Variants in ODAD2 observed in about 807,000 individuals in gnomAD.
ODAD2 encodes outer dynein arm-docking complex subunit 2.
Under a neutral mutation model 106.8 loss-of-function variants are expected in ODAD2, and 89 were observed. That is an observed-to-expected ratio of 0.83 (90% CI 0.70 to 0.99). ODAD2 has a LOEUF of 0.99. Ranked by LOEUF, ODAD2 falls within the 50% of genes least tolerant of loss-of-function variation. The pLI, the probability that ODAD2 is intolerant of heterozygous loss-of-function variation, is 0.00. For synonymous variants in ODAD2, 404 were observed against 436.2 expected, an observed-to-expected ratio of 0.93 and a Z score of 0.92; for missense variants, 1,168 against 1,238.5, an observed-to-expected ratio of 0.94 and a Z score of 0.85.
chr10:27,937,187 C>G (rs1433945567), intron 14 of ODAD2, among the ~76,000 whole-genome samples: 1 of 152,080 alleles, frequency 6.6e-6, no homozygotes, highest in African/African-American at 2.4e-5. Context: ...ACTCCACTAG[C>G]AAGGAATGGA....
chr10:27,988,457 C>T (rs1588668782), intron 2 of ODAD2, among the ~76,000 whole-genome samples: 1 of 151,704 alleles, frequency 6.6e-6, no homozygotes, highest in East Asian at 1.9e-4. Context: ...CCCACCTCAG[C>T]CCCCAAGTAG....
intron 17 of ODAD2, among the ~76,000 whole-genome samples, chr10:27,870,651 A>G (rs1840800905): frequency 6.6e-6 from 1 of 152,120 alleles, no homozygotes. Context: ...GATGGTTTCC[A>G]GCTTAATCCA....
intron 7 of ODAD2, among the ~76,000 whole-genome samples, chr10:27,979,893 C>A (rs1271447043): frequency 1.3e-5 from 2 of 152,148 alleles, no homozygotes; most frequent in East Asian, 3.9e-4. Flanking sequence ...TCAAGGAATA[C>A]CGAATAGCCA....
chr10:27,922,479 T>C (rs986170160), intron 16 of ODAD2, among the ~76,000 whole-genome samples: 2 of 151,656 alleles, frequency 1.3e-5, no homozygotes, highest in African/African-American at 4.9e-5. Context: ...ATGTTATATA[T>C]AACAAAACAG....
chr10:27,865,722 T>C (rs1353744603), intron 17 of ODAD2, among the ~76,000 whole-genome samples: 1 of 152,214 alleles, frequency 6.6e-6, no homozygotes, highest in East Asian at 1.9e-4. Context: ...AATTTGATTG[T>C]TTGCAAACTC....
At chr10:27,891,379 T>G (rs996194918) in intron 17 of ODAD2, among the ~76,000 whole-genome samples, 5 of 126,194 alleles carry the variant, frequency 4.0e-5, no homozygotes, top group South Asian at 2.7e-4. Context: ...GAGTTTTTTG[T>G]TTTTTTTTTT....
Position 27,971,243 on chromosome 10 carries a change from G to A in ODAD2, c.1007C>T (p.Ala336Val), listed in dbSNP as rs778469971. 6.2e-7 allele frequency: 1 copy of A among 1,613,872 alleles called. No individual in the cohort carries two copies. Among genetic ancestry groups the A allele is most frequent in the Non-Finnish European group, 8.5e-7 (1 of 1,179,868 alleles). Reference sequence around the variant, plus strand: ...AGAAATGTCTTTGCGGAGGGCAGCTGCTTCTTCCTTCTTGGGGGCTTTGCC... The same window carrying A: ...AGAAATGTCTTTGCGGAGGGCAGCTACTTCTTCCTTCTTGGGGGCTTTGCC... Reference protein sequence around the residue: ...QLGKAPKKEEAAALRKDISGS... With the variant: ...QLGKAPKKEEVAALRKDISGS... The change falls in exon 8 of 20, where the codon GCA becomes GTA. Residue 336 changes from alanine (A) to valine (V), a missense_variant. This residue lies in a region of ODAD2 where 430 missense variants were observed against 452.2 expected (regional missense o/e 0.95). Transcript: ENST00000305242.
chr10:27,895,678 A>G (rs1842812870), intron 17 of ODAD2, among the ~76,000 whole-genome samples: 1 of 152,248 alleles, frequency 6.6e-6, no homozygotes, highest in Admixed American at 6.5e-5. Context: ...ACATGTGGCT[A>G]GTAGTTGCCG....
chr10:27,948,517 A>G (rs1287364692), intron 10 of ODAD2, among the ~76,000 whole-genome samples: 1 of 152,190 alleles, frequency 6.6e-6, no homozygotes, highest in Non-Finnish European at 1.5e-5. Flanking sequence ...AAACCATGCA[A>G]ATACACTCCT....
At chr10:27,933,867 A>G (rs1270338849) in intron 16 of ODAD2, among the ~76,000 whole-genome samples, 1 of 152,158 alleles carries the variant, frequency 6.6e-6, no homozygotes, top group Admixed American at 6.6e-5. Flanking sequence ...CAATAACCAA[A>G]TGCAAAAGGA....
At chr10:27,924,614 GAAA>G (rs60226782) in intron 16 of ODAD2, among the ~76,000 whole-genome samples, 346 of 12,604 alleles carry the variant, frequency 0.027, 1 homozygote, top group African/African-American at 0.062. Flanking sequence ...TGATTAGGAG[GAAA>G]AAAAAAAAAA....
At chr10:27,958,916 G>A in intron 10 of ODAD2, 4 of 1,303,662 alleles carry the variant, frequency 3.1e-6, no homozygotes, top group Middle Eastern at 4.3e-4. Context: ...TAATTACTCT[G>A]GTATTCTGCT....
intron 14 of ODAD2, among the ~76,000 whole-genome samples, chr10:27,937,496 T>C (rs1465695886): frequency 6.6e-6 from 1 of 152,116 alleles, no homozygotes; most frequent in Non-Finnish European, 1.5e-5. Context: ...CAGTGAGTGA[T>C]ATCAATAGTA....
At chr10:27,828,667 C>A (rs1837249728) in intron 19 of ODAD2, among the ~76,000 whole-genome samples, 1 of 152,046 alleles carries the variant, frequency 6.6e-6, no homozygotes, top group African/African-American at 2.4e-5. Flanking sequence ...AGATATGCAC[C>A]ATTTATTAGA....
At chr10:27,909,257 C>T (rs1376872259) in intron 16 of ODAD2, among the ~76,000 whole-genome samples, 1 of 152,032 alleles carries the variant, frequency 6.6e-6, no homozygotes, top group Non-Finnish European at 1.5e-5. Context: ...CTGTATATTG[C>T]TGGACAGAAA....
chr10:27,999,439 G>A (rs540097174), upstream of ODAD2, among the ~76,000 whole-genome samples: 19 of 150,802 alleles, frequency 1.3e-4, no homozygotes, highest in South Asian at 6.4e-4. Flanking sequence ...AGGCTTACAT[G>A]TTTCTCTCCA....
At chr10:27,957,817 T>C (rs115224051) in intron 10 of ODAD2, among the ~76,000 whole-genome samples, 2,809 of 152,252 alleles carry the variant, frequency 0.018, 80 homozygotes, top group African/African-American at 0.065. Context: ...ATTGACCTGT[T>C]TGGGTATTAA....
At chr10:27,941,282 G>A (rs796429089) in intron 12 of ODAD2, among the ~76,000 whole-genome samples, 68 of 150,118 alleles carry the variant, frequency 4.5e-4, no homozygotes, top group African/African-American at 1.5e-3. Context: ...CCAGGAATTA[G>A]AGACCAGCCT....
rs970725117 is a variant in ODAD2, at chr10:27,958,888, C to A, written c.1386+2680G>T. The A allele has an allele frequency of 1.5e-5, 20 of 1,303,776 alleles. No homozygotes were observed. The Admixed American group carries it at 2.8e-4, about 18-fold the overall frequency. The allele number at this position is 1,303,776 out of a possible 1,614,324, so 80.8% of individuals were successfully genotyped here. ...ATTTCAACTCAACTGGTCTTTCCAACGTCAAAGATCATGCTTCTAATTACT... is the reference window on the plus strand; with the variant it reads ...ATTTCAACTCAACTGGTCTTTCCAAAGTCAAAGATCATGCTTCTAATTACT... On this transcript the variant is annotated intron_variant, in intron 10 of 19. Coordinates refer to ENST00000305242, the MANE Select transcript of ODAD2 (RefSeq NM_018076.5).
Sources: allele counts gnomAD v4.1 joint callset (sites outside exome capture counted in the v4.1 genomes callset), GRCh38; gene constraint gnomAD v4.1.1; regional missense constraint gnomAD v4.1.1; transcripts MANE v1.5; gene names NCBI Gene and HGNC (gene_info 2026-07-23, HGNC 2026-07-21).